The following RNLS variants were observed in gnomAD, a reference collection of about 807,000 sequenced individuals.
The protein encoded by RNLS is renalase.
Under a neutral mutation model 39.8 loss-of-function variants are expected in RNLS, and 39 were observed. That is an observed-to-expected ratio of 0.98 (90% confidence interval 0.76 to 1.28). The LOEUF (loss-of-function observed/expected upper bound fraction) is 1.28. Among genes scored for constraint, RNLS ranks in the 50% most tolerant of loss-of-function variants. RNLS has a pLI of 0.00. For synonymous variants in RNLS, 147 were observed against 150.7 expected (o/e 0.98, Z 0.18); for missense variants, 410 against 413.3 (o/e 0.99, Z 0.07).
chr10:88,195,412 T>G, the RNLS span, among the ~76,000 whole-genome samples: 1 of 152,136 alleles, frequency 6.6e-6, no homozygotes, highest in South Asian at 2.1e-4. Context: ...GCAGAGAACA[T>G]AATTTCACAC....
At chr10:88,323,064 T>A (rs1846303964) in intron 5 of RNLS, among the ~76,000 whole-genome samples, 1 of 152,020 alleles carries the variant, frequency 6.6e-6, no homozygotes, top group Admixed American at 6.6e-5. Flanking sequence ...TATCTAAAAA[T>A]GCATTTAACT....
intron 5 of RNLS, among the ~76,000 whole-genome samples, chr10:88,331,295 G>A (rs966828253): frequency 5.3e-5 from 8 of 152,160 alleles, no homozygotes; most frequent in African/African-American, 9.7e-5. Flanking sequence ...CAGAGGTTGC[G>A]TTCCCAAAGG....
the RNLS span, among the ~76,000 whole-genome samples, chr10:88,251,295 C>A: frequency 1.3e-5 from 2 of 152,214 alleles, no homozygotes; most frequent in Non-Finnish European, 2.9e-5. Flanking sequence ...CAATGCCTGG[C>A]ACCAGGAAGG....
At chr10:88,501,399 G>T (rs1256125310) in intron 4 of RNLS, among the ~76,000 whole-genome samples, 1 of 152,016 alleles carries the variant, frequency 6.6e-6, no homozygotes, top group African/African-American at 2.4e-5. Context: ...CAAACACTAT[G>T]CCTTCCACAG....
intron 4 of RNLS, among the ~76,000 whole-genome samples, chr10:88,541,933 G>A (rs984992134): frequency 6.6e-6 from 1 of 152,114 alleles, no homozygotes; most frequent in Admixed American, 6.6e-5. Flanking sequence ...GAAAGATGAG[G>A]ATATTAAATG....
chr10:88,303,133 C>T lies in RNLS; in HGVS notation c.876+11333G>A, dbSNP rs549339833. 7.2e-5 allele frequency among the ~76,000 whole-genome samples: 11 copies of T among 152,294 alleles called. No individual in the cohort carries two copies. The South Asian group carries it at 8.3e-4, about 11-fold the overall frequency. On this transcript the variant is annotated intron_variant, in intron 6 of 6. Coordinates refer to ENST00000331772, the MANE Select transcript of RNLS (RefSeq NM_001031709.3). Reference sequence around the variant, plus strand: ...AGGAGCAACCTGCTCTCACCATAGGCCTGTGGAACTCTGGCAGGAGAAGAT... The same window carrying T: ...AGGAGCAACCTGCTCTCACCATAGGTCTGTGGAACTCTGGCAGGAGAAGAT...
intron 4 of RNLS, among the ~76,000 whole-genome samples, chr10:88,385,268 A>G (rs190413271): frequency 6.6e-6 from 1 of 152,268 alleles, no homozygotes; most frequent in Non-Finnish European, 1.5e-5. Flanking sequence ...AAAGACTCTG[A>G]AAGTACATCC....
chr10:88,303,020 A>G (rs1336257210), intron 6 of RNLS, among the ~76,000 whole-genome samples: 1 of 152,208 alleles, frequency 6.6e-6, no homozygotes, highest in African/African-American at 2.4e-5. Context: ...AAGAAGGAGA[A>G]AGCTGGGAAC....
the RNLS span, among the ~76,000 whole-genome samples, chr10:88,196,815 G>A: frequency 6.6e-6 from 1 of 152,188 alleles, no homozygotes; most frequent in African/African-American, 2.4e-5. Flanking sequence ...TTGTTACTCA[G>A]TAATAGCCAA....
chr10:88,206,914 C>T, the RNLS span, among the ~76,000 whole-genome samples: 7 of 152,080 alleles, frequency 4.6e-5, no homozygotes, highest in African/African-American at 1.7e-4. Context: ...GACTCTTTAG[C>T]CTTGCCTGAT....
chr10:88,225,372 C>A, the RNLS span, among the ~76,000 whole-genome samples: 1 of 152,102 alleles, frequency 6.6e-6, no homozygotes, highest in Non-Finnish European at 1.5e-5. Flanking sequence ...TCAATAACAC[C>A]CTTTCCTTTT....
intron 6 of RNLS, among the ~76,000 whole-genome samples, chr10:88,286,793 G>A (rs376319646): frequency 6.7e-6 from 1 of 148,648 alleles, no homozygotes; most frequent in Non-Finnish European, 1.5e-5. Context: ...TTCCCTTACA[G>A]TTTTTTTTTT....
intron 4 of RNLS, among the ~76,000 whole-genome samples, chr10:88,520,960 C>A (rs1846687696): frequency 6.6e-6 from 1 of 151,962 alleles, no homozygotes; most frequent in Admixed American, 6.6e-5. Flanking sequence ...CATGGGATAT[C>A]ATTTCCTGTT....
intron 4 of RNLS, among the ~76,000 whole-genome samples, chr10:88,489,159 T>C (rs1844745640): frequency 6.6e-6 from 1 of 152,332 alleles, no homozygotes; most frequent in African/African-American, 2.4e-5. Context: ...GCCTGTGTTC[T>C]ATATGTGGAG....
At chr10:88,436,875 AG>A (rs775759673) in intron 4 of RNLS, among the ~76,000 whole-genome samples, 2 of 152,236 alleles carry the variant, frequency 1.3e-5, no homozygotes, top group Non-Finnish European at 2.9e-5. Flanking sequence ...ATCAGTTTGC[AG>A]ATACAATCTA....
At chr10:88,317,913 C>G (rs1457618002) in intron 5 of RNLS, among the ~76,000 whole-genome samples, 1 of 152,210 alleles carries the variant, frequency 6.6e-6, no homozygotes, top group Non-Finnish European at 1.5e-5. Context: ...TCTCTGCTCC[C>G]TTCACCCCTG....
chr10:88,375,900 G>C (rs1369406303), intron 4 of RNLS, among the ~76,000 whole-genome samples: 1 of 152,142 alleles, frequency 6.6e-6, no homozygotes, highest in Non-Finnish European at 1.5e-5. Flanking sequence ...GTACAGAAAG[G>C]AGTAGGGGCT....
chr10:88,505,983 G>A (rs1336584625), intron 4 of RNLS, among the ~76,000 whole-genome samples: 1 of 152,100 alleles, frequency 6.6e-6, no homozygotes, highest in Non-Finnish European at 1.5e-5. Flanking sequence ...AAATTCAAAT[G>A]ACTGGGCTCC....
At chr10:88,546,771 G>T (rs1331880972) in intron 4 of RNLS, among the ~76,000 whole-genome samples, 1 of 152,020 alleles carries the variant, frequency 6.6e-6, no homozygotes, top group Non-Finnish European at 1.5e-5. Context: ...TAAAATCTTT[G>T]CCAACTAGCC....
Sources: allele counts gnomAD v4.1 joint callset (sites outside exome capture counted in the v4.1 genomes callset), GRCh38; gene constraint gnomAD v4.1.1; transcripts MANE v1.5; gene names NCBI Gene and HGNC (gene_info 2026-07-23, HGNC 2026-07-21).